Variants in APBA2 observed in about 807,000 individuals in gnomAD.
APBA2 encodes the protein amyloid beta precursor protein binding family A member 2, also known as amyloid-beta A4 precursor protein-binding family A member 2.
Under a neutral mutation model 75.0 loss-of-function variants are expected in APBA2, and 30 were observed. The ratio of observed to expected loss-of-function variants is 0.40; its 90% CI spans 0.30 to 0.54. The LOEUF (loss-of-function observed/expected upper bound fraction) is 0.54. Ranked by LOEUF, APBA2 falls within the 20% of genes least tolerant of loss-of-function variation. APBA2 has a pLI of 0.49. For missense variants in APBA2, 801 were observed against 1,016.1 expected, an observed-to-expected ratio of 0.79 and a Z score of 2.88; for synonymous variants, 444 against 409.6, an observed-to-expected ratio of 1.08 and a Z score of -1.01.
At chr15:29,042,509 C>T (rs1160961591) in intron 3 of APBA2, among the ~76,000 whole-genome samples, 4 of 152,084 alleles carry the variant, frequency 2.6e-5, no homozygotes, top group Non-Finnish European at 4.4e-5. Context: ...CCGCCCGCCT[C>T]GGCCTCCCAA....
chr15:29,096,997 T>C (rs540572657), intron 8 of APBA2, among the ~76,000 whole-genome samples: 36 of 152,352 alleles, frequency 2.4e-4, no homozygotes, highest in African/African-American at 8.2e-4. Context: ...CTCACAACCA[T>C]ATGCCAGACA....
chr15:29,016,631 T>C (rs2039675974), intron 3 of APBA2, among the ~76,000 whole-genome samples: 1 of 152,160 alleles, frequency 6.6e-6, no homozygotes, highest in Non-Finnish European at 1.5e-5. Context: ...CTGGCTGGCT[T>C]TTCAGAAGGG....
chr15:29,030,795 C>T (rs935198965), intron 3 of APBA2, among the ~76,000 whole-genome samples: 5 of 151,292 alleles, frequency 3.3e-5, no homozygotes, highest in Admixed American at 2.6e-4. Flanking sequence ...TTGTTAGGTA[C>T]GGGGTTCTAA....
chr15:29,108,539 A>G (rs1201562092), intron 13 of APBA2, 150 bp downstream of exon 13: 2 of 1,263,598 alleles, frequency 1.6e-6, no homozygotes, highest in African/African-American at 2.9e-5. Context: ...CACCTGGGGC[A>G]GGAACTTTCC....
intron 2 of APBA2, among the ~76,000 whole-genome samples, chr15:28,979,222 C>G (rs1221774380): frequency 6.6e-6 from 1 of 152,146 alleles, no homozygotes; most frequent in Admixed American, 6.5e-5. Context: ...ATCTGTGGCT[C>G]TTTCTCTCGG....
chr15:29,052,252 G>A (rs1188170689), intron 3 of APBA2, among the ~76,000 whole-genome samples: 3 of 151,886 alleles, frequency 2.0e-5, no homozygotes, highest in Admixed American at 6.6e-5. Context: ...TCAGGAGATC[G>A]TGACCATCCT....
At chr15:29,053,123 G>A (rs2041684475) in intron 3 of APBA2, among the ~76,000 whole-genome samples, 1 of 152,188 alleles carries the variant, frequency 6.6e-6, no homozygotes, top group Admixed American at 6.5e-5. Context: ...AGTTTGGCCT[G>A]CCAGGTCTCT....
At chr15:29,056,025 C>T (rs1455742271) in intron 4 of APBA2, among the ~76,000 whole-genome samples, 1 of 152,146 alleles carries the variant, frequency 6.6e-6, no homozygotes, top group Non-Finnish European at 1.5e-5. Flanking sequence ...TTTAGCAGGG[C>T]CTGGGCTTGT....
At chr15:28,903,999 A>G (rs2033009165) in intron 1 of APBA2, among the ~76,000 whole-genome samples, 1 of 152,218 alleles carries the variant, frequency 6.6e-6, no homozygotes. Context: ...TTATTTCTGT[A>G]TGTCAAAAAG....
intron 4 of APBA2, among the ~76,000 whole-genome samples, chr15:29,063,736 C>G (rs901215811): frequency 6.6e-6 from 1 of 150,674 alleles, no homozygotes; most frequent in Non-Finnish European, 1.5e-5. Flanking sequence ...GATGAGTTTT[C>G]AGTCCATGGG....
chr15:28,948,529 T>C (rs1194558991), intron 2 of APBA2, among the ~76,000 whole-genome samples: 1 of 152,168 alleles, frequency 6.6e-6, no homozygotes, highest in Non-Finnish European at 1.5e-5. Flanking sequence ...AGAGTCCTGG[T>C]GTGTCCAGTT....
chr15:29,100,241 G>T (rs2044050430), intron 9 of APBA2, among the ~76,000 whole-genome samples: 1 of 152,210 alleles, frequency 6.6e-6, no homozygotes, highest in Admixed American at 6.5e-5. Context: ...ATCAGGAGAT[G>T]CTGAAGAGCC....
intron 6 of APBA2, among the ~76,000 whole-genome samples, chr15:29,082,387 C>T (rs927897543): frequency 6.6e-6 from 1 of 152,174 alleles, no homozygotes; most frequent in Non-Finnish European, 1.5e-5. Flanking sequence ...GGTGAGAACA[C>T]TTCAGATCGA....
intron 1 of APBA2, among the ~76,000 whole-genome samples, chr15:28,901,672 G>A (rs1045422658): frequency 2.0e-5 from 3 of 152,054 alleles, no homozygotes; most frequent in South Asian, 2.1e-4. Flanking sequence ...TCCCTGTGCC[G>A]TGGCCACACC....
intron 2 of APBA2, among the ~76,000 whole-genome samples, chr15:28,979,148 T>C (rs1172117103): frequency 6.6e-6 from 1 of 152,216 alleles, no homozygotes; most frequent in Non-Finnish European, 1.5e-5. Context: ...ACCCCCTGCC[T>C]GGCCTGCCCC....
intron 8 of APBA2, among the ~76,000 whole-genome samples, chr15:29,095,566 C>T (rs917738036): frequency 6.6e-6 from 1 of 152,218 alleles, no homozygotes; most frequent in East Asian, 1.9e-4. Context: ...GGGCAAACCC[C>T]GGGGTCCTTG....
At chr15:28,982,200 C>T (rs66484927) in intron 2 of APBA2, among the ~76,000 whole-genome samples, 21,735 of 152,186 alleles carry the variant, frequency 0.14, 4,631 homozygotes, top group African/African-American at 0.47. Flanking sequence ...CCTTCCCCGC[C>T]CCCCACACTT....
chr15:29,099,640 C>G (rs1044141481), intron 9 of APBA2, among the ~76,000 whole-genome samples: 2 of 152,222 alleles, frequency 1.3e-5, no homozygotes, highest in African/African-American at 2.4e-5. Context: ...TGGGTACCCT[C>G]CTGAGATCCA....
chr15:28,930,632 A>G (rs1490637966), intron 2 of APBA2, among the ~76,000 whole-genome samples: 1 of 151,664 alleles, frequency 6.6e-6, no homozygotes, highest in Admixed American at 6.6e-5. Flanking sequence ...GTTCCGAGGG[A>G]TGGAGTGTCT....
Sources: allele counts gnomAD v4.1 joint callset (sites outside exome capture counted in the v4.1 genomes callset), GRCh38; gene constraint gnomAD v4.1.1; transcripts MANE v1.5; gene names NCBI Gene and HGNC (gene_info 2026-07-23, HGNC 2026-07-21).